Variants in SH3GL2 observed in about 807,000 individuals in gnomAD.
SH3GL2 encodes the protein endophilin-A1.
In SH3GL2, 24 loss-of-function variants were observed where a neutral mutation model predicts 46.0. The ratio of observed to expected loss-of-function variants is 0.52; its 90% confidence interval spans 0.38 to 0.73. The LOEUF is 0.73. Ranked by LOEUF, SH3GL2 falls within the 30% of genes least tolerant of loss-of-function variation. SH3GL2 has a pLI of 0.00. For synonymous variants in SH3GL2, 196 were observed against 147.1 expected (o/e 1.33, Z -2.40); for missense variants, 413 against 424.2 (o/e 0.97, Z 0.23).
intron 1 of SH3GL2, among the ~76,000 whole-genome samples, chr9:17,673,628 C>T (rs1820530993): frequency 6.6e-6 from 1 of 152,118 alleles, no homozygotes; most frequent in Non-Finnish European, 1.5e-5. Flanking sequence ...ACCTACTAGC[C>T]AGCCATGATC....
In SH3GL2 at chr9:17,796,071, C is replaced by G; in HGVS notation, c.*328C>G. The G allele has an allele frequency of 3.8e-6, 1 of 264,210 alleles. No homozygotes were observed. The highest frequency in any genetic ancestry group is 7.3e-6 in the Non-Finnish European group (1 of 137,678). 16.4% of individuals were successfully genotyped at this position (264,210 alleles called of 1,614,324 possible). Reference sequence around the variant, plus strand: ...GCCATTTCACAGAAAAACCATCCCACCGAAGATATTGTCTATCACCCCAGG... The same window carrying G: ...GCCATTTCACAGAAAAACCATCCCAGCGAAGATATTGTCTATCACCCCAGG... On this transcript the variant is annotated 3_prime_UTR_variant, in exon 9 of 9. Transcript: ENST00000380607.
intron 1 of SH3GL2, among the ~76,000 whole-genome samples, chr9:17,699,297 A>G (rs1379303176): frequency 6.6e-6 from 1 of 152,134 alleles, no homozygotes; most frequent in Non-Finnish European, 1.5e-5. Context: ...ACTTCTGTGC[A>G]AGCAGCATGA....
chr9:17,613,649 G>T (rs1818918574), intron 1 of SH3GL2, among the ~76,000 whole-genome samples: 1 of 152,110 alleles, frequency 6.6e-6, no homozygotes. Flanking sequence ...ATGCCTTACT[G>T]TTTGGAGAAA....
In SH3GL2 at chr9:17,746,518, G is replaced by A. The variant is rs192948402; in HGVS notation, c.46-548G>A. Among the ~76,000 whole-genome samples, 12 of 152,292 alleles carry A rather than the reference G, an allele frequency of 7.9e-5. No homozygotes were observed. The East Asian group carries it at 2.3e-3, about 29-fold the overall frequency. ...CAGCTTTCTATATGTTTTGGCTTAT[G>A]TACTTAAGGATGTAGACAGCTTTAT... On this transcript the variant is annotated intron_variant, in intron 1 of 8. Coordinates refer to ENST00000380607, the MANE Select transcript of SH3GL2 (RefSeq NM_003026.5).
chr9:17,649,771 T>C (rs1819910711), intron 1 of SH3GL2, among the ~76,000 whole-genome samples: 1 of 152,220 alleles, frequency 6.6e-6, no homozygotes, highest in Non-Finnish European at 1.5e-5. Flanking sequence ...ATTCTTTTTC[T>C]GAGAAGCCTA....
At chr9:17,601,772 T>C (rs1186133556) in intron 1 of SH3GL2, among the ~76,000 whole-genome samples, 1 of 152,202 alleles carries the variant, frequency 6.6e-6, no homozygotes, top group Non-Finnish European at 1.5e-5. Context: ...TACACTTTTG[T>C]TGGTGACTTG....
chr9:17,647,967 C>G (rs1346937595), intron 1 of SH3GL2, among the ~76,000 whole-genome samples: 1 of 152,212 alleles, frequency 6.6e-6, no homozygotes, highest in East Asian at 1.9e-4. Context: ...AAGATGAAGA[C>G]CTTTGTGATG....
chr9:17,670,185 T>A (rs1820439164), intron 1 of SH3GL2, among the ~76,000 whole-genome samples: 1 of 152,148 alleles, frequency 6.6e-6, no homozygotes, highest in Non-Finnish European at 1.5e-5. Context: ...AGAATCCCCA[T>A]GGTGGACATG....
Position 17,692,979 on chromosome 9 carries a change from C to G in SH3GL2, c.46-54087C>G, listed in dbSNP as rs532730699. On this transcript the variant is annotated intron_variant, in intron 1 of 8. Coordinates refer to ENST00000380607, the MANE Select transcript of SH3GL2 (RefSeq NM_003026.5). ...TGAGAATAGCAAGGGGAGAGACCAG[C>G]TATTCAGTTACCTCCCCCTGGGTCC... 2.0e-4 allele frequency among the ~76,000 whole-genome samples: 31 copies of G among 152,188 alleles called. No homozygotes were observed. In the East Asian group the frequency reaches 6.0e-3, roughly 30 times the overall value.
At chr9:17,742,947 T>C (rs905707223) in intron 1 of SH3GL2, among the ~76,000 whole-genome samples, 6 of 151,904 alleles carry the variant, frequency 3.9e-5, no homozygotes, top group African/African-American at 1.4e-4. Context: ...GTTTCTCAAA[T>C]GGCAAATATG....
chr9:17,588,939 T>G (rs1436272562), intron 1 of SH3GL2, among the ~76,000 whole-genome samples: 1 of 152,156 alleles, frequency 6.6e-6, no homozygotes, highest in Non-Finnish European at 1.5e-5. Context: ...AGAAGGCAAG[T>G]GTAGCCTAGC....
intron 1 of SH3GL2, among the ~76,000 whole-genome samples, chr9:17,705,111 C>A (rs773502068): frequency 6.6e-6 from 1 of 151,700 alleles, no homozygotes; most frequent in East Asian, 1.9e-4. Flanking sequence ...CAAAAGAAAG[C>A]ATACATGTGG....
At chr9:17,601,990 T>C (rs975994260) in intron 1 of SH3GL2, among the ~76,000 whole-genome samples, 4 of 152,194 alleles carry the variant, frequency 2.6e-5, no homozygotes, top group African/African-American at 9.7e-5. Flanking sequence ...ATGGAAAGCA[T>C]TTTAAGGGCA....
intron 8 of SH3GL2, among the ~76,000 whole-genome samples, chr9:17,794,045 C>T (rs9406737): frequency 0.096 from 14,586 of 152,296 alleles, 1,364 homozygotes; most frequent in African/African-American, 0.25. Flanking sequence ...CTGGGTTTTC[C>T]TTCCCATGCC....
At position 17,789,786 on chromosome 9, in the gene SH3GL2, A is replaced by G. The variant is rs967162569; in HGVS notation, c.624+236A>G. 2.3e-5 allele frequency: 23 copies of G among 982,946 alleles called. No individual in the cohort carries two copies. The African/African-American group carries it at 3.3e-4, about 14-fold the overall frequency. The allele number at this position is 982,946 out of a possible 1,614,324, so 60.9% of individuals were successfully genotyped here. A position where few individuals can be genotyped will look rare whatever the true frequency, so the allele number is the denominator to read the frequency against. On this transcript the variant is annotated intron_variant, in intron 6 of 8. Coordinates refer to ENST00000380607, the MANE Select transcript of SH3GL2 (RefSeq NM_003026.5). ...CTCGACTGCTAATGAATCTTAAAGTACAGATGCTCCTTAACTTATGATGGG... is the reference window on the plus strand; with the variant it reads ...CTCGACTGCTAATGAATCTTAAAGTGCAGATGCTCCTTAACTTATGATGGG...
intron 1 of SH3GL2, among the ~76,000 whole-genome samples, chr9:17,626,508 A>G (rs889946074): frequency 3.3e-5 from 5 of 152,126 alleles, no homozygotes; most frequent in African/African-American, 1.2e-4. Flanking sequence ...ATGCTCATGG[A>G]TTTTTAAAAT....
intron 6 of SH3GL2, chr9:17,790,373 A>C: frequency 1.1e-6 from 1 of 948,096 alleles, no homozygotes; most frequent in Non-Finnish European, 1.3e-6. Context: ...TGTCACCTAA[A>C]ATTAACCATC....
At chr9:17,605,985 C>G (rs979758284) in intron 1 of SH3GL2, among the ~76,000 whole-genome samples, 2 of 152,116 alleles carry the variant, frequency 1.3e-5, no homozygotes, top group African/African-American at 2.4e-5. Flanking sequence ...GCTTGGTATG[C>G]TTGAGCACAT....
intron 1 of SH3GL2, among the ~76,000 whole-genome samples, chr9:17,614,295 GAAAAAAAAA>G (rs3084628): frequency 1.6e-4 from 11 of 70,300 alleles, no homozygotes; most frequent in Admixed American, 2.1e-4. Flanking sequence ...CATGGTTTCT[GAAAAAAAAA>G]AAAAAAAAAA....
Sources: allele counts gnomAD v4.1 joint callset (sites outside exome capture counted in the v4.1 genomes callset), GRCh38; gene constraint gnomAD v4.1.1; transcripts MANE v1.5; gene names NCBI Gene and HGNC (gene_info 2026-07-23, HGNC 2026-07-21).